Variants in ARID3A observed in about 807,000 individuals in gnomAD.
ARID3A encodes the protein AT-rich interaction domain 3A.
Under a neutral mutation model 52.7 loss-of-function variants are expected in ARID3A, and 11 were observed. The observed-to-expected ratio is 0.21, with a 90% CI of 0.13 to 0.35. The LOEUF (loss-of-function observed/expected upper bound fraction) is 0.35, where lower values mean the gene tolerates loss of function less well. Ranked by LOEUF, ARID3A falls within the 10% of genes least tolerant of loss-of-function variation. The pLI is 1.00. For synonymous variants in ARID3A, 404 were observed against 359.4 expected (o/e 1.12, Z -1.40); for missense variants, 721 against 838.5 (o/e 0.86, Z 1.73).
At chr19:949,252 G>A (rs528133910) in intron 3 of ARID3A, among the ~76,000 whole-genome samples, 6 of 152,286 alleles carry the variant, frequency 3.9e-5, no homozygotes, top group East Asian at 1.9e-4. Context: ...CAGCGGCGGC[G>A]TGGGTGCCTG....
rs756824343 is a variant in ARID3A, at chr19:929,791, CGGA to C, written c.273_275del (p.Glu91del). 4 of 1,549,092 alleles carry C rather than the reference CGGA, an allele frequency of 2.6e-6. No homozygotes were observed. Among genetic ancestry groups the C allele is most frequent in the East Asian group, 4.8e-5 (2 of 41,708 alleles). On this transcript the variant is annotated inframe_deletion, in exon 2 of 9. Coordinates refer to ENST00000263620, the MANE Select transcript of ARID3A (RefSeq NM_005224.3). The surrounding 1 kb of genome is among the most constrained non-coding windows in gnomAD (Gnocchi z 6.2). ...GGCTCTGAGGATGGGCCCCCAGGCT[CGGA>C]GGAGGAGGACGCGGCCCGGGAGGGG...
chr19:969,200 T>C (rs74832505), intron 8 of ARID3A, among the ~76,000 whole-genome samples: 16,895 of 152,108 alleles, frequency 0.11, 1,017 homozygotes, highest in South Asian at 0.27. Flanking sequence ...TATACTGGCA[T>C]CCAATGCCTA....
At position 964,799 on chromosome 19, in the gene ARID3A, C is replaced by T. The variant is rs371545444; in HGVS notation, c.951-34C>T. On this transcript the variant is annotated intron_variant, in intron 5 of 8. Coordinates refer to ENST00000263620, the MANE Select transcript of ARID3A (RefSeq NM_005224.3). This position sits in a 1 kb window ranked among gnomAD's most constrained non-coding sequence, Gnocchi z 5.7. ...GCCAAAGAGAGCCGTAGGGGTGACC[C>T]GGGTGCCATCCTCTTCCCTCGTCCC... 1.6e-5 allele frequency: 25 copies of T among 1,600,300 alleles called. No individual in the cohort carries two copies. Among genetic ancestry groups the T allele is most frequent in the African/African-American group, 2.7e-5 (2 of 74,686 alleles).
chr19:958,354 G>A (rs1445395177), intron 3 of ARID3A, among the ~76,000 whole-genome samples: 1 of 145,826 alleles, frequency 6.9e-6, no homozygotes, highest in Non-Finnish European at 1.5e-5. Context: ...CGTGAACCCG[G>A]GAGGTGGAGC....
Position 941,450 on chromosome 19 carries a change from C to T in ARID3A, c.693+8708C>T, listed in dbSNP as rs2037553400. ...GCACCTCACGCGCCCGCCTGCGTGTCCCCAGCCAGCACCACGGTGTTCGTT... is the reference window on the plus strand; with the variant it reads ...GCACCTCACGCGCCCGCCTGCGTGTTCCCAGCCAGCACCACGGTGTTCGTT... On this transcript the variant is annotated intron_variant, in intron 3 of 8. Coordinates refer to ENST00000263620, the MANE Select transcript of ARID3A (RefSeq NM_005224.3). This position sits in a 1 kb window ranked among gnomAD's most constrained non-coding sequence, Gnocchi z 6.9. 6.6e-6 allele frequency among the ~76,000 whole-genome samples: 1 copy of T among 152,188 alleles called. No homozygotes were observed. Among genetic ancestry groups the T allele is most frequent in the Admixed American group, 6.5e-5 (1 of 15,278 alleles).
chr19:973,793 C>T lies in ARID3A; in HGVS notation c.*1728C>T, dbSNP rs898322616. 7.4e-5 allele frequency: 17 copies of T among 229,486 alleles called. No homozygotes were observed. The highest frequency in any genetic ancestry group is 1.3e-4 in the Non-Finnish European group (15 of 115,724). The allele number at this position is 229,486 out of a possible 1,614,324, so 14.2% of individuals were successfully genotyped here. A position where few individuals can be genotyped will look rare whatever the true frequency, so the allele number is the denominator to read the frequency against. Reference sequence around the variant, plus strand: ...CCCACCACCCTGTGGGTCAGTACCCCTCCCCCTGGCTTGGAGAAAGTGGGG... The same window carrying T: ...CCCACCACCCTGTGGGTCAGTACCCTTCCCCCTGGCTTGGAGAAAGTGGGG... On this transcript the variant is annotated 3_prime_UTR_variant, in exon 9 of 9. Coordinates refer to ENST00000263620, the MANE Select transcript of ARID3A (RefSeq NM_005224.3).
chr19:971,105 T>G (rs2038268982), intron 8 of ARID3A, among the ~76,000 whole-genome samples: 1 of 152,202 alleles, frequency 6.6e-6, no homozygotes. Context: ...TGTGCATGTG[T>G]GGATTAAACA....
intron 3 of ARID3A, among the ~76,000 whole-genome samples, chr19:955,772 C>T (rs2037903823): frequency 6.6e-6 from 1 of 152,186 alleles, no homozygotes; most frequent in South Asian, 2.1e-4. Flanking sequence ...AGAGGACCTT[C>T]CGCTCGCCCT....
chr19:957,975 A>G (rs2262962), intron 3 of ARID3A: 106,405 of 151,436 alleles, frequency 0.7, 38,719 homozygotes, highest in Middle Eastern at 0.84. Context: ...AGCTGGGCAT[A>G]GTGGCAGGTG....
chr19:966,977 G>A (rs1159765693), intron 7 of ARID3A, 109 bp downstream of exon 7: 10 of 1,324,774 alleles, frequency 7.5e-6, no homozygotes, highest in Non-Finnish European at 9.9e-6. Flanking sequence ...GAAAAAAAAA[G>A]CCGGGTGCAG....
chr19:964,583 G>A lies in ARID3A; in HGVS notation c.950+152G>A, dbSNP rs775171695. ...GCACAGGGCCACACCGTGCGTCCAG[G>A]GCCCGAGAGCGTCAAGTAGGGGTGC... On this transcript the variant is annotated intron_variant, in intron 5 of 8. Coordinates refer to ENST00000263620, the MANE Select transcript of ARID3A (RefSeq NM_005224.3). This position sits in a 1 kb window ranked among gnomAD's most constrained non-coding sequence, Gnocchi z 5.7. The A allele has an allele frequency of 4.8e-6, 6 of 1,247,748 alleles. No individual in the cohort carries two copies. The highest frequency in any genetic ancestry group is 1.5e-5 in the African/African-American group (1 of 66,006). 77.3% of individuals were successfully genotyped at this position (1,247,748 alleles called of 1,614,324 possible). A position where few individuals can be genotyped will look rare whatever the true frequency, so the allele number is the denominator to read the frequency against.
rs1000116738 is a variant in ARID3A, at chr19:938,420, G to A, written c.693+5678G>A. Among the ~76,000 whole-genome samples, 1 of 152,196 alleles carries A rather than the reference G, an allele frequency of 6.6e-6. No homozygotes were observed. The highest frequency in any genetic ancestry group is 2.1e-4 in the South Asian group (1 of 4,838). On this transcript the variant is annotated intron_variant, in intron 3 of 8. Coordinates refer to ENST00000263620, the MANE Select transcript of ARID3A (RefSeq NM_005224.3). This position sits in a 1 kb window ranked among gnomAD's most constrained non-coding sequence, Gnocchi z 4.0. ...CTGCCGTTGAACCTGTTGTGCAGAC[G>A]AGAAACTGAGGCATGGGGTGATCAC... is the stretch of plus-strand genomic sequence containing the variant.
chr19:949,676 C>CTTTTTT (rs71335322), intron 3 of ARID3A, among the ~76,000 whole-genome samples: 1 of 123,812 alleles, frequency 8.1e-6, no homozygotes, highest in Admixed American at 8.6e-5. Context: ...CTGATTCTGT[C>CTTTTTT]TTTTTTTTTT....
chr19:935,274 A>T (rs1362702209), intron 3 of ARID3A, among the ~76,000 whole-genome samples: 1 of 151,022 alleles, frequency 6.6e-6, no homozygotes, highest in Non-Finnish European at 1.5e-5. Flanking sequence ...GGCCGGGCGC[A>T]GCAGGCTCAG....
chr19:930,493 A>C (rs1293423826), intron 2 of ARID3A, among the ~76,000 whole-genome samples: 1 of 147,014 alleles, frequency 6.8e-6, no homozygotes, highest in Non-Finnish European at 1.5e-5. Flanking sequence ...TGAAGATTGC[A>C]GTGAGCCAAG....
In ARID3A at chr19:964,040, G is replaced by C. The variant is rs2038096319; in HGVS notation, c.767-208G>C. Reference sequence around the variant, plus strand: ...TTACTGGTGGATAAACCGAGGCAGAGCTGCCCCCTCTGCACCCTCTCGAGC... The same window carrying C: ...TTACTGGTGGATAAACCGAGGCAGACCTGCCCCCTCTGCACCCTCTCGAGC... On this transcript the variant is annotated intron_variant, in intron 4 of 8. Coordinates refer to ENST00000263620, the MANE Select transcript of ARID3A (RefSeq NM_005224.3). The surrounding 1 kb of genome is among the most constrained non-coding windows in gnomAD (Gnocchi z 5.7). Among the ~76,000 whole-genome samples, 1 of 152,224 alleles carries C rather than the reference G, an allele frequency of 6.6e-6. No homozygotes were observed. Among genetic ancestry groups the C allele is most frequent in the South Asian group, 2.1e-4 (1 of 4,832 alleles).
At chr19:958,617 T>A (rs1002914039) in intron 3 of ARID3A, among the ~76,000 whole-genome samples, 1 of 151,744 alleles carries the variant, frequency 6.6e-6, no homozygotes, top group Non-Finnish European at 1.5e-5. Context: ...GAATTCCATA[T>A]TTCTAGTGGC....
rs1162371782 is a variant in ARID3A at position 959,980 on chromosome 19, G to A, written c.694-112G>A. 4 of 848,324 alleles carry A rather than the reference G, an allele frequency of 4.7e-6. No homozygotes were observed. The Admixed American group carries it at 1.1e-4, about 23-fold the overall frequency. The allele number at this position is 848,324 out of a possible 1,614,324, so 52.5% of individuals were successfully genotyped here. A position where few individuals can be genotyped will look rare whatever the true frequency, so the allele number is the denominator to read the frequency against. On this transcript the variant is annotated intron_variant, in intron 3 of 8. Transcript: ENST00000263620. This position sits in a 1 kb window ranked among gnomAD's most constrained non-coding sequence, Gnocchi z 5.0. ...TCTGGCAGCGGCTTGAGGGTCCTAG[G>A]GGTGGTGACCCCTGCTCCTGTCCTC...
intron 3 of ARID3A, among the ~76,000 whole-genome samples, chr19:948,854 C>T (rs954890387): frequency 2.0e-5 from 3 of 152,012 alleles, no homozygotes; most frequent in South Asian, 4.2e-4. Context: ...GGACTACAGG[C>T]GTGCGCCACC....
Sources: allele counts gnomAD v4.1 joint callset (sites outside exome capture counted in the v4.1 genomes callset), GRCh38; gene constraint gnomAD v4.1.1; non-coding constraint Gnocchi (gnomAD v3.1); transcripts MANE v1.5; gene names NCBI Gene and HGNC (gene_info 2026-07-23, HGNC 2026-07-21).